The following SSBP2 variants were observed in gnomAD, a reference collection of about 807,000 sequenced individuals.
SSBP2 encodes the protein single-stranded DNA-binding protein 2.
In SSBP2, 17 loss-of-function variants were observed where a neutral mutation model predicts 61.8. The ratio of observed to expected loss-of-function variants is 0.28; its 90% confidence interval spans 0.19 to 0.41. The LOEUF (loss-of-function observed/expected upper bound fraction) is 0.41, where lower values mean the gene tolerates loss of function less well. Ranked by LOEUF, SSBP2 falls within the 10% of genes least tolerant of loss-of-function variation. The pLI, the probability that SSBP2 is intolerant of heterozygous loss-of-function variation, is 1.00. For missense variants in SSBP2, 310 were observed against 458.7 expected (o/e 0.68, Z 2.96); for synonymous variants, 139 against 141.3 (o/e 0.98, Z 0.12).
Position 81,549,666 on chromosome 5 carries a change from T to C in SSBP2, c.283-35949A>G, listed in dbSNP as rs78422151. Among the ~76,000 whole-genome samples the C allele has an allele frequency of 7.3e-3, 1,117 of 152,338 alleles. 9 individuals carry two copies. Among genetic ancestry groups the C allele is most frequent in the African/African-American group, 0.024 (1,017 of 41,580 alleles). ...ACATGAATGATTCATACAAAAATTA[T>C]ACCAATTAGAGGGCTCTGATTATGA... On this transcript the variant is annotated intron_variant, in intron 4 of 16. Coordinates refer to ENST00000320672, the MANE Select transcript of SSBP2 (RefSeq NM_012446.5).
At chr5:81,666,043 G>A (rs116532533) in intron 1 of SSBP2, among the ~76,000 whole-genome samples, 1,545 of 152,236 alleles carry the variant, frequency 0.01, 30 homozygotes, top group African/African-American at 0.035. Context: ...TGTTCAAAGC[G>A]CTTGCAACCT....
intron 3 of SSBP2, among the ~76,000 whole-genome samples, chr5:81,631,409 C>T (rs1747702488): frequency 6.6e-6 from 1 of 151,592 alleles, no homozygotes; most frequent in Non-Finnish European, 1.5e-5. Context: ...TTTGTTTTTT[C>T]CTCTTAAAGA....
intron 1 of SSBP2, among the ~76,000 whole-genome samples, chr5:81,731,531 G>A (rs556478263): frequency 6.6e-6 from 1 of 152,130 alleles, no homozygotes; most frequent in South Asian, 2.1e-4. Context: ...AAGTGTTCCA[G>A]TAGCCATTTC....
In SSBP2 at chr5:81,420,380, AG is replaced by A. The variant is rs1383246043; in HGVS notation, c.*123del. ...AGAGGGGAGAGAGCAGGAAATAAAA[AG>A]GTTGGTTTGGTGTGACTGAGATTCC... On this transcript the variant is annotated 3_prime_UTR_variant, in exon 17 of 17. Transcript: ENST00000320672. 5 of 879,050 alleles carry A rather than the reference AG, an allele frequency of 5.7e-6. No homozygotes were observed. Among genetic ancestry groups the A allele is most frequent in the Non-Finnish European group, 3.7e-6 (2 of 541,432 alleles). The allele number at this position is 879,050 out of a possible 1,614,324, so 54.5% of individuals were successfully genotyped here.
chr5:81,568,266 C>T (rs1437021480), intron 4 of SSBP2, among the ~76,000 whole-genome samples: 1 of 152,038 alleles, frequency 6.6e-6, no homozygotes, highest in Non-Finnish European at 1.5e-5. Context: ...CAGCTTTCCC[C>T]AAAACTGTTC....
intron 5 of SSBP2, among the ~76,000 whole-genome samples, chr5:81,504,923 A>G (rs1335661390): frequency 6.6e-6 from 1 of 152,240 alleles, no homozygotes; most frequent in East Asian, 1.9e-4. Context: ...CAACAAAACC[A>G]TAACTAAAAC....
intron 5 of SSBP2, among the ~76,000 whole-genome samples, chr5:81,505,633 G>T (rs975903432): frequency 6.6e-6 from 1 of 152,016 alleles, no homozygotes; most frequent in African/African-American, 2.4e-5. Context: ...ACAGCACTCG[G>T]AAGAATTTTC....
At chr5:81,527,999 T>G (rs1026971178) in intron 4 of SSBP2, among the ~76,000 whole-genome samples, 2 of 151,896 alleles carry the variant, frequency 1.3e-5, no homozygotes, top group African/African-American at 4.8e-5. Context: ...AGGTGTGTAA[T>G]TACAGCATCA....
At chr5:81,525,869 T>C (rs993106990) in intron 4 of SSBP2, among the ~76,000 whole-genome samples, 3 of 152,070 alleles carry the variant, frequency 2.0e-5, no homozygotes, top group Middle Eastern at 6.3e-3. Flanking sequence ...AGCACACTTG[T>C]TCTGATTGCA....
chr5:81,638,262 A>T (rs868498700), intron 2 of SSBP2, among the ~76,000 whole-genome samples: 61 of 152,176 alleles, frequency 4.0e-4, no homozygotes, highest in Admixed American at 1.2e-3. Flanking sequence ...ATAATAATAA[A>T]TTTGAAAAAA....
chr5:81,705,314 G>A (rs554671063), intron 1 of SSBP2, among the ~76,000 whole-genome samples: 27 of 152,190 alleles, frequency 1.8e-4, no homozygotes, highest in Admixed American at 1.5e-3. Flanking sequence ...CCAATTAATA[G>A]AGTATAATTC....
intron 1 of SSBP2, among the ~76,000 whole-genome samples, chr5:81,699,248 T>C (rs768459934): frequency 6.6e-6 from 1 of 152,230 alleles, no homozygotes; most frequent in Non-Finnish European, 1.5e-5. Flanking sequence ...CTGAAGGCAG[T>C]GGTGGCTGTG....
chr5:81,415,405 A>G lies in SSBP2; in HGVS notation c.*5099T>C, dbSNP rs1465783277. 6.6e-6 allele frequency: 1 copy of G among 152,224 alleles called. No individual in the cohort carries two copies. The highest frequency in any genetic ancestry group is 1.5e-5 in the Non-Finnish European group (1 of 68,034). 9.4% of individuals were successfully genotyped at this position (152,224 alleles called of 1,614,324 possible). A position where few individuals can be genotyped will look rare whatever the true frequency, so the allele number is the denominator to read the frequency against. On this transcript the variant is annotated 3_prime_UTR_variant, in exon 17 of 17. Coordinates refer to ENST00000320672, the MANE Select transcript of SSBP2 (RefSeq NM_012446.5). ...TATGCACATCCTCCAATATACTTCA[A>G]ATCATCTCGTTTACTTATAATACCT... is the stretch of plus-strand genomic sequence containing the variant.
intron 1 of SSBP2, among the ~76,000 whole-genome samples, chr5:81,677,536 G>C (rs1581321250): frequency 6.6e-6 from 1 of 152,026 alleles, no homozygotes; most frequent in East Asian, 1.9e-4. Flanking sequence ...AACTCCACGG[G>C]GAACCAGTTA....
At chr5:81,424,869 G>A (rs1243250721) in intron 16 of SSBP2, among the ~76,000 whole-genome samples, 1 of 152,152 alleles carries the variant, frequency 6.6e-6, no homozygotes, top group Non-Finnish European at 1.5e-5. Context: ...ACACTTCAAT[G>A]TTTCTATTGT....
chr5:81,495,696 G>T (rs1334769943), intron 5 of SSBP2, among the ~76,000 whole-genome samples: 1 of 152,018 alleles, frequency 6.6e-6, no homozygotes. Context: ...TTAAAATAAG[G>T]CCAGCATTTC....
Position 81,553,799 on chromosome 5 carries a change from A to T in SSBP2, c.283-40082T>A, listed in dbSNP as rs138924535. On this transcript the variant is annotated intron_variant, in intron 4 of 16. Transcript: ENST00000320672. ...ATACAAGTGAACTAAATGTTTGTAT[A>T]GTTAACTTTCTTGTTTTCCTTTTTT... Among the ~76,000 whole-genome samples, 37 of 152,208 alleles carry T rather than the reference A, an allele frequency of 2.4e-4. No homozygotes were observed. In the East Asian group the frequency reaches 6.6e-3, roughly 27 times the overall value.
intron 1 of SSBP2, among the ~76,000 whole-genome samples, chr5:81,654,927 T>C (rs562155278): frequency 1.3e-5 from 2 of 151,688 alleles, no homozygotes; most frequent in East Asian, 1.9e-4. Flanking sequence ...GCTTGAGCCC[T>C]GGAGTTTGAG....
intron 4 of SSBP2, among the ~76,000 whole-genome samples, chr5:81,556,317 G>A (rs897595716): frequency 6.6e-6 from 1 of 151,932 alleles, no homozygotes; most frequent in Non-Finnish European, 1.5e-5. Flanking sequence ...CATGTTTTAC[G>A]GGTACCAGAA....
Sources: allele counts gnomAD v4.1 joint callset (sites outside exome capture counted in the v4.1 genomes callset), GRCh38; gene constraint gnomAD v4.1.1; transcripts MANE v1.5; gene names NCBI Gene and HGNC (gene_info 2026-07-23, HGNC 2026-07-21).